NEXN: variants seen among roughly 807,000 people sequenced by gnomAD.
NEXN encodes the protein nexilin F-actin binding protein.
NEXN carries 65 observed loss-of-function variants against 92.6 expected under a neutral mutation model. That is an observed-to-expected ratio of 0.70 (90% CI 0.57 to 0.86). The LOEUF is 0.86. Among genes scored for constraint, NEXN ranks in the 40% least tolerant of loss-of-function variants. The pLI, the probability that NEXN is intolerant of heterozygous loss-of-function variation, is 0.00. For synonymous variants in NEXN, 254 were observed against 242.5 expected, an observed-to-expected ratio of 1.05 and a Z score of -0.44; for missense variants, 778 against 771.1, an observed-to-expected ratio of 1.01 and a Z score of -0.11.
chr1:77,921,598 C>A (rs1649423515), intron 5 of NEXN, among the ~76,000 whole-genome samples: 1 of 151,994 alleles, frequency 6.6e-6, no homozygotes, highest in African/African-American at 2.4e-5. Flanking sequence ...ATGCATGCCA[C>A]CATGCTTGGC....
rs371923319 is a variant in NEXN, at chr1:77,926,844, A to G, written c.816A>G (p.Lys272=). The G allele has an allele frequency of 2.5e-6, 4 of 1,613,908 alleles. No individual in the cohort carries two copies. The highest frequency in any genetic ancestry group is 3.4e-6 in the Non-Finnish European group (4 of 1,180,006). ...RKKQAEEEAR[K]RLEEEKRAFE... is the part of the protein sequence containing the mutation. ...AGCAAGCTGAAGAGGAAGCAAGAAAACGTTTAGAAGAAGAGAAGCGTGCTT... is the reference window on the plus strand; with the variant it reads ...AGCAAGCTGAAGAGGAAGCAAGAAAGCGTTTAGAAGAAGAGAAGCGTGCTT... The change falls in exon 8 of 13, where the codon AAA becomes AAG. Residue 272 remains lysine, a synonymous_variant. Transcript: ENST00000334785.
intron 1 of NEXN, among the ~76,000 whole-genome samples, chr1:77,904,236 G>T (rs916006697): frequency 6.6e-6 from 1 of 151,956 alleles, no homozygotes; most frequent in Non-Finnish European, 1.5e-5. Flanking sequence ...CAAGTGATCC[G>T]CCCGCCTTAG....
chr1:77,918,217 C>G lies in NEXN; in HGVS notation c.391C>G (p.Gln131Glu), dbSNP rs387907079. ...TEEERKRRIE[Q>E]DMLEKRKIQR... ...GGAGGAACGAAAACGCAGAATTGAGCAGGATATGTTAGAAAAGAGGAAAAT... is the reference window on the plus strand; with the variant it reads ...GGAGGAACGAAAACGCAGAATTGAGGAGGATATGTTAGAAAAGAGGAAAAT... The change falls in exon 5 of 13, where the codon CAG becomes GAG. Residue 131 changes from glutamine to glutamate, a missense_variant. By Grantham distance (29) the Gln-to-Glu change is conservative (BLOSUM62 2). This residue lies in a region of NEXN where 236 missense variants were observed against 265.6 expected (regional missense o/e 0.89). Coordinates refer to ENST00000334785, the MANE Select transcript of NEXN (RefSeq NM_144573.4). 6.2e-7 allele frequency: 1 copy of G among 1,613,760 alleles called. No individual in the cohort carries two copies. The highest frequency in any genetic ancestry group is 1.3e-5 in the African/African-American group (1 of 74,826).
chr1:77,890,010 T>C (rs1647069603), intron 1 of NEXN, among the ~76,000 whole-genome samples: 1 of 152,218 alleles, frequency 6.6e-6, no homozygotes, highest in South Asian at 2.1e-4. Flanking sequence ...CAGGTTAAAC[T>C]GCTGCAGTTA....
intron 1 of NEXN, among the ~76,000 whole-genome samples, chr1:77,896,987 A>G (rs200535742): frequency 6.6e-6 from 1 of 152,330 alleles, no homozygotes; most frequent in East Asian, 1.9e-4. Flanking sequence ...GAATAGACCA[A>G]TAACAGGCTC....
chr1:77,935,803 C>T lies in NEXN; in HGVS notation c.1252-20C>T. 1 of 1,600,690 alleles carries T rather than the reference C, an allele frequency of 6.2e-7. No homozygotes were observed. On this transcript the variant is annotated intron_variant, in intron 10 of 12. Coordinates refer to ENST00000334785, the MANE Select transcript of NEXN (RefSeq NM_144573.4). ...CTCTCTCAAAAACAGCAGCAACAAA[C>T]TTATTAATTTTTTTTGAAGGAAGAG...
At position 77,936,122 on chromosome 1, in the gene NEXN, A is replaced by G. The variant is rs1232792005; in HGVS notation, c.1473+78A>G. The G allele has an allele frequency of 6.9e-6, 8 of 1,155,838 alleles. No homozygotes were observed. The East Asian group carries it at 1.7e-4, about 24-fold the overall frequency. The allele number at this position is 1,155,838 out of a possible 1,614,324, so 71.6% of individuals were successfully genotyped here. ...TAACAGAAGTAACATTGGCTTTGAA[A>G]TAAGTTTTAGTACTTAAAATTAATC... is the stretch of plus-strand genomic sequence containing the variant. On this transcript the variant is annotated intron_variant, in intron 11 of 12. Transcript: ENST00000334785.
chr1:77,923,679 C>CT (rs67301412), intron 5 of NEXN, among the ~76,000 whole-genome samples: 90 of 82,932 alleles, frequency 1.1e-3, no homozygotes, highest in East Asian at 1.8e-3. Flanking sequence ...ATTGAGCTCT[C>CT]TTTTTTTTTT....
chr1:77,940,093 T>C (rs1651133794), intron 11 of NEXN, among the ~76,000 whole-genome samples: 1 of 152,158 alleles, frequency 6.6e-6, no homozygotes, highest in Non-Finnish European at 1.5e-5. Context: ...GTCTTCAAAA[T>C]GTTTATATTC....
intron 8 of NEXN, among the ~76,000 whole-genome samples, chr1:77,927,335 A>T (rs568509434): frequency 6.6e-6 from 1 of 152,302 alleles, no homozygotes; most frequent in South Asian, 2.1e-4. Context: ...AATATGCTTT[A>T]AATTTTTATT....
At chr1:77,910,205 C>T (rs1447830375) in intron 1 of NEXN, among the ~76,000 whole-genome samples, 2 of 152,154 alleles carry the variant, frequency 1.3e-5, no homozygotes, top group South Asian at 2.1e-4. Context: ...CTAAGAAAAG[C>T]CTACAGCTAA....
intron 9 of NEXN, chr1:77,932,091 C>G (rs1650361057): frequency 6.6e-6 from 1 of 152,238 alleles, no homozygotes; most frequent in African/African-American, 2.4e-5. Context: ...CCACACCTGG[C>G]TAATTTTTGT....
Position 77,942,929 on chromosome 1 carries a change from CCTGGAACTTTCT to C in NEXN, c.*103_*114del. On this transcript the variant is annotated 3_prime_UTR_variant, in exon 13 of 13. Transcript: ENST00000334785. ...TGACTACTAGCTCCCCTCCCCTCTCCCTGGAACTTTCTCTTTCACTCCAACTTTCTTACTACA... is the reference window on the plus strand; with the variant it reads ...TGACTACTAGCTCCCCTCCCCTCTCCCTTTCACTCCAACTTTCTTACTACA... The C allele has an allele frequency of 1.4e-6, 2 of 1,460,654 alleles. No homozygotes were observed. The highest frequency in any genetic ancestry group is 9.4e-7 in the Non-Finnish European group (1 of 1,069,518). 90.5% of individuals were successfully genotyped at this position (1,460,654 alleles called of 1,614,324 possible). A position where few individuals can be genotyped will look rare whatever the true frequency, so the allele number is the denominator to read the frequency against.
chr1:77,931,643 T>G, intron 9 of NEXN: 1 of 152,196 alleles, frequency 6.6e-6, no homozygotes, highest in Admixed American at 6.5e-5. Context: ...TATTGTTTTC[T>G]TATCCACAAA....
At position 77,925,173 on chromosome 1, in the gene NEXN, A is replaced by G; in HGVS notation, c.448-15A>G. ...ATCTGATGTAATGTAATGATATGAA[A>G]TTCTCATTCAATAGATTGAGGACAT... On this transcript the variant is annotated splice_polypyrimidine_tract_variant and intron_variant, in intron 5 of 12. Coordinates refer to ENST00000334785, the MANE Select transcript of NEXN (RefSeq NM_144573.4). 1 of 1,559,454 alleles carries G rather than the reference A, an allele frequency of 6.4e-7. No individual in the cohort carries two copies. The highest frequency in any genetic ancestry group is 8.8e-7 in the Non-Finnish European group (1 of 1,133,312).
chr1:77,892,252 T>G (rs1330931756), intron 1 of NEXN, among the ~76,000 whole-genome samples: 1 of 152,144 alleles, frequency 6.6e-6, no homozygotes, highest in African/African-American at 2.4e-5. Context: ...TACCAAGTGG[T>G]TTTTGGTTAC....
intron 1 of NEXN, among the ~76,000 whole-genome samples, chr1:77,890,796 A>G (rs1647088908): frequency 6.6e-6 from 1 of 152,198 alleles, no homozygotes; most frequent in Admixed American, 6.5e-5. Context: ...CACCTAAAAG[A>G]AAGAAAATAA....
intron 1 of NEXN, chr1:77,889,117 A>T (rs564261089): frequency 2.6e-4 from 39 of 152,500 alleles, no homozygotes; most frequent in African/African-American, 9.2e-4. Context: ...TACTGTAGGG[A>T]GGGAGCCCTC....
rs539220077 is a variant in NEXN at position 77,918,032 on chromosome 1, T to C, written c.292T>C (p.Leu98=). ...AGTAGAAAAGGCTTATGTTCCAAAA[T>C]TAACAGGTAAGAAGCTTGAGGGGTA... is the stretch of plus-strand genomic sequence containing the variant. ...SKVEKAYVPK[L]TGTVKGRFAE... Residue 98 remains leucine (L), a synonymous_variant, in exon 4 of 13, where the codon TTA becomes CTA. Coordinates refer to ENST00000334785, the MANE Select transcript of NEXN (RefSeq NM_144573.4). 23 of 1,613,568 alleles carry C rather than the reference T, an allele frequency of 1.4e-5. No individual in the cohort carries two copies. In the South Asian group the frequency reaches 2.3e-4, roughly 16 times the overall value.
Sources: gnomAD v4.1 joint callset for allele counts (sites outside exome capture counted in the v4.1 genomes callset) on GRCh38, gnomAD v4.1.1 for gene constraint, gnomAD v4.1.1 regional missense constraint, MANE v1.5 for transcripts, NCBI Gene and HGNC (gene_info 2026-07-23, HGNC 2026-07-21) for gene names.